The following KCNN2 variants were observed in gnomAD, a reference collection of about 807,000 sequenced individuals.
The protein encoded by KCNN2 is small conductance calcium-activated potassium channel protein 2.
In KCNN2, 24 loss-of-function variants were observed where a neutral mutation model predicts 55.5. That is an observed-to-expected ratio of 0.43 (90% CI 0.31 to 0.61). The LOEUF (loss-of-function observed/expected upper bound fraction) is 0.61. Ranked by LOEUF, KCNN2 falls within the 20% of genes least tolerant of loss-of-function variation. The pLI, the probability that KCNN2 is intolerant of heterozygous loss-of-function variation, is 0.08. For synonymous variants in KCNN2, 431 were observed against 336.1 expected (o/e 1.28, Z -3.09); for missense variants, 754 against 853.6 (o/e 0.88, Z 1.45).
chr5:114,445,653 A>G (rs552726490), intron 3 of KCNN2, among the ~76,000 whole-genome samples: 1 of 152,214 alleles, frequency 6.6e-6, no homozygotes, highest in Non-Finnish European at 1.5e-5. Context: ...TATGTATTCC[A>G]TTACTTTTTT....
chr5:114,278,252 G>A (rs2150011555), intron 2 of KCNN2, among the ~76,000 whole-genome samples: 1 of 152,270 alleles, frequency 6.6e-6, no homozygotes, highest in African/African-American at 2.4e-5. Context: ...CCTGTATGAG[G>A]TATCTGTTGG....
At chr5:114,143,370 T>C (rs2112507860) in intron 1 of KCNN2, among the ~76,000 whole-genome samples, 1 of 152,202 alleles carries the variant, frequency 6.6e-6, no homozygotes. Flanking sequence ...TCAGTAGTAA[T>C]AGTTGCAGCA....
chr5:114,411,845 C>CCAGTT (rs1759145121), intron 3 of KCNN2, among the ~76,000 whole-genome samples: 1 of 152,176 alleles, frequency 6.6e-6, no homozygotes, highest in Admixed American at 6.5e-5. Context: ...TAATGCTTTA[C>CCAGTT]CAGTTCTCTA....
chr5:114,360,667 A>G (rs546801103), upstream of KCNN2, among the ~76,000 whole-genome samples: 1 of 152,372 alleles, frequency 6.6e-6, no homozygotes, highest in Admixed American at 6.5e-5. Flanking sequence ...AAGACAGCAC[A>G]GGGAATTTGT....
chr5:114,174,364 C>T (rs897306839), intron 1 of KCNN2, among the ~76,000 whole-genome samples: 4 of 152,048 alleles, frequency 2.6e-5, no homozygotes, highest in African/African-American at 9.7e-5. Context: ...ACAAACAGAC[C>T]TACTGCAGAT....
intron 1 of KCNN2, among the ~76,000 whole-genome samples, chr5:114,196,578 G>T (rs2112567934): frequency 6.6e-6 from 1 of 151,846 alleles, no homozygotes; most frequent in Non-Finnish European, 1.5e-5. Flanking sequence ...GAGTTAGATT[G>T]GGTAATTTGT....
intron 3 of KCNN2, among the ~76,000 whole-genome samples, chr5:114,435,761 A>T (rs1303639019): frequency 2.0e-5 from 3 of 152,198 alleles, no homozygotes; most frequent in African/African-American, 7.2e-5. Flanking sequence ...ATGTTAAGTG[A>T]TAATCATTTT....
chr5:114,080,942 C>T (rs181877998), intron 1 of KCNN2, among the ~76,000 whole-genome samples: 9 of 152,082 alleles, frequency 5.9e-5, no homozygotes, highest in East Asian at 1.9e-4. Context: ...CTAAAGATTC[C>T]GCACAAAACA....
intron 1 of KCNN2, chr5:114,056,561 C>A: frequency 5.0e-6 from 2 of 396,576 alleles, no homozygotes; most frequent in South Asian, 1.4e-4. Flanking sequence ...ACCAGCCTCC[C>A]CTAGGGAGGA....
rs1005794877 is a variant in KCNN2, at chr5:114,169,547, C to T, written c.-270-51933C>T. ...GGGGATTAGTTCCTGGAACTTTTAT[C>T]TCCTCTGCAGTTTAGATACCAGACA... On this transcript the variant is annotated intron_variant, in intron 1 of 10. Transcript: ENST00000512097. 4.0e-4 allele frequency among the ~76,000 whole-genome samples: 61 copies of T among 152,202 alleles called. No homozygotes were observed. In the Middle Eastern group the frequency reaches 0.01, roughly 25 times the overall value.
chr5:114,117,810 G>A (rs1252290588), intron 1 of KCNN2, among the ~76,000 whole-genome samples: 1 of 152,144 alleles, frequency 6.6e-6, no homozygotes, highest in East Asian at 1.9e-4. Flanking sequence ...TGTTTGACAT[G>A]CACTATCTCA....
intron 3 of KCNN2, among the ~76,000 whole-genome samples, chr5:114,413,135 G>A (rs1463473760): frequency 2.6e-5 from 4 of 152,126 alleles, no homozygotes; most frequent in Admixed American, 1.3e-4. Context: ...CTGCATCTGT[G>A]ACTTGCAAAA....
intron 2 of KCNN2, among the ~76,000 whole-genome samples, chr5:114,323,616 A>G (rs1014764981): frequency 6.9e-6 from 1 of 145,914 alleles, no homozygotes; most frequent in Non-Finnish European, 1.5e-5. Flanking sequence ...CATGTTTAGT[A>G]TAGAGAATAA....
At chr5:114,375,875 T>C (rs539840086) in intron 2 of KCNN2, among the ~76,000 whole-genome samples, 2 of 150,586 alleles carry the variant, frequency 1.3e-5, no homozygotes, top group African/African-American at 4.9e-5. Flanking sequence ...ATGAAAACTA[T>C]TTTTTAAAAC....
At chr5:114,327,004 T>G (rs542627612) in intron 2 of KCNN2, among the ~76,000 whole-genome samples, 3 of 152,272 alleles carry the variant, frequency 2.0e-5, no homozygotes, top group African/African-American at 7.2e-5. Context: ...GCAGACAGAT[T>G]AAAGGTGCTG....
intron 3 of KCNN2, among the ~76,000 whole-genome samples, chr5:114,421,510 C>T (rs937467741): frequency 1.3e-5 from 2 of 151,476 alleles, no homozygotes; most frequent in Non-Finnish European, 2.9e-5. Context: ...ACGCTGGTCT[C>T]GAACTCCTGA....
chr5:114,203,225 T>C (rs4129105), intron 1 of KCNN2, among the ~76,000 whole-genome samples: 16,975 of 152,236 alleles, frequency 0.11, 1,198 homozygotes, highest in South Asian at 0.24. Flanking sequence ...TTTAATATTA[T>C]GTCTCTTTTG....
At chr5:114,238,693 T>C (rs1754559155) in intron 2 of KCNN2, among the ~76,000 whole-genome samples, 2 of 152,166 alleles carry the variant, frequency 1.3e-5, no homozygotes, top group Non-Finnish European at 2.9e-5. Context: ...AACAATTTAT[T>C]GGATTCCACC....
intron 1 of KCNN2, among the ~76,000 whole-genome samples, chr5:114,080,953 C>G (rs1750803830): frequency 6.6e-6 from 1 of 152,058 alleles, no homozygotes; most frequent in African/African-American, 2.4e-5. Context: ...GCACAAAACA[C>G]TGTTAGAACT....
Sources: gnomAD v4.1 joint callset for allele counts (sites outside exome capture counted in the v4.1 genomes callset) on GRCh38, gnomAD v4.1.1 for gene constraint, MANE v1.5 for transcripts, NCBI Gene and HGNC (gene_info 2026-07-23, HGNC 2026-07-21) for gene names.